The following UBE2W variants were observed in gnomAD, a reference collection of about 807,000 sequenced individuals.
The protein encoded by UBE2W is ubiquitin conjugating enzyme E2 W.
A neutral mutation model predicts 27.2 loss-of-function variants in UBE2W; 18 were observed. The observed-to-expected ratio is 0.66, with a 90% CI of 0.46 to 0.98. The LOEUF is 0.98. UBE2W is among the 50% of genes least tolerant of loss of function. UBE2W has a pLI of 0.00. For missense variants in UBE2W, 90 were observed against 180.2 expected, an observed-to-expected ratio of 0.50 and a Z score of 2.87; for synonymous variants, 53 against 57.2, an observed-to-expected ratio of 0.93 and a Z score of 0.33.
At chr8:73,786,145 CAATT>C (rs1327321859), downstream of UBE2W, 10 of 888,722 alleles carry the variant, frequency 1.1e-5, no homozygotes, top group East Asian at 4.8e-4. Context: ...TAGTTTAAAA[CAATT>C]AATTTGTGAC....
At position 73,847,973 on chromosome 8, in the gene UBE2W, G is replaced by A. The variant is rs545469081; in HGVS notation, c.16-17501C>T. ...TCCCAGCACTTTGGGAGGCTGAGGC[G>A]GGTGGATCACCTGAGGTCGGGAGTT... On this transcript the variant is annotated intron_variant, in intron 1 of 5. Coordinates refer to ENST00000602593, the MANE Select transcript of UBE2W (RefSeq NM_018299.6). Among the ~76,000 whole-genome samples, 14 of 151,460 alleles carry A rather than the reference G, an allele frequency of 9.2e-5. No homozygotes were observed. In the South Asian group the frequency reaches 2.7e-3, roughly 29 times the overall value.
intron 1 of UBE2W, among the ~76,000 whole-genome samples, chr8:73,833,451 G>A (rs1263632098): frequency 6.6e-6 from 1 of 151,814 alleles, no homozygotes; most frequent in Non-Finnish European, 1.5e-5. Flanking sequence ...AATATTTCAA[G>A]GTTATTGTTA....
intron 3 of UBE2W, among the ~76,000 whole-genome samples, chr8:73,812,570 T>C (rs1445215261): frequency 6.6e-6 from 1 of 152,226 alleles, no homozygotes; most frequent in Admixed American, 6.5e-5. Flanking sequence ...GTGTTGTAGA[T>C]GTACAGAATG....
chr8:73,784,842 G>A (rs780644231), downstream of UBE2W, among the ~76,000 whole-genome samples: 2 of 152,060 alleles, frequency 1.3e-5, no homozygotes, highest in Non-Finnish European at 2.9e-5. Context: ...TTGTGATACC[G>A]CCCACACAGT....
At chr8:73,798,087 AG>A (rs1424485198) in intron 5 of UBE2W, among the ~76,000 whole-genome samples, 4 of 152,176 alleles carry the variant, frequency 2.6e-5, no homozygotes. Context: ...CAGGAATTTG[AG>A]ACCAATCTGG....
chr8:73,782,575 A>T (rs1361009629), downstream of UBE2W, among the ~76,000 whole-genome samples: 2 of 152,108 alleles, frequency 1.3e-5, no homozygotes, highest in African/African-American at 4.8e-5. Context: ...CATCAACTTC[A>T]TTACATGTAT....
chr8:73,850,992 T>C (rs1811054433), intron 1 of UBE2W, among the ~76,000 whole-genome samples: 1 of 151,970 alleles, frequency 6.6e-6, no homozygotes. Context: ...CCCAAGTAGC[T>C]GGAAACACAG....
intron 1 of UBE2W, among the ~76,000 whole-genome samples, chr8:73,856,926 C>T (rs1811326276): frequency 1.3e-5 from 2 of 152,094 alleles, no homozygotes; most frequent in Admixed American, 6.6e-5. Context: ...AGACTGGTCT[C>T]AAACTCCTGG....
Position 73,787,202 on chromosome 8 carries a change from T to C in UBE2W, c.*6900A>G, listed in dbSNP as rs1244978139. 2 of 985,326 alleles carry C rather than the reference T, an allele frequency of 2.0e-6. No individual in the cohort carries two copies. The highest frequency in any genetic ancestry group is 1.2e-6 in the Non-Finnish European group (1 of 829,934). 61.0% of individuals were successfully genotyped at this position (985,326 alleles called of 1,614,324 possible). A position where few individuals can be genotyped will look rare whatever the true frequency, so the allele number is the denominator to read the frequency against. ...TGAAAGGGGCTCCCAACAGGACAGA[T>C]AACCACAGTGGCTTTGAGCTTTGTT... On this transcript the variant is annotated 3_prime_UTR_variant, in exon 6 of 6. Transcript: ENST00000602593.
intron 1 of UBE2W, among the ~76,000 whole-genome samples, chr8:73,843,478 A>T (rs977941344): frequency 4.6e-5 from 7 of 152,218 alleles, no homozygotes; most frequent in African/African-American, 1.4e-4. Flanking sequence ...ACAAAAAAAT[A>T]AAAAATTTGC....
intron 5 of UBE2W, among the ~76,000 whole-genome samples, chr8:73,804,201 C>G (rs949248667): frequency 6.6e-6 from 1 of 151,380 alleles, no homozygotes; most frequent in Non-Finnish European, 1.5e-5. Context: ...GAAGGCTTCA[C>G]ACTGGATAGA....
chr8:73,842,563 C>T (rs1351257287), intron 1 of UBE2W, among the ~76,000 whole-genome samples: 3 of 117,044 alleles, frequency 2.6e-5, no homozygotes, highest in East Asian at 2.3e-4. Flanking sequence ...AAAAAAATGA[C>T]GTGGACGTGA....
intron 1 of UBE2W, among the ~76,000 whole-genome samples, chr8:73,852,856 G>A (rs2130953445): frequency 6.6e-6 from 1 of 152,246 alleles, no homozygotes; most frequent in South Asian, 2.1e-4. Flanking sequence ...TGTAAACTAT[G>A]TATTAGTATA....
At position 73,805,596 on chromosome 8, in the gene UBE2W, T is replaced by C. The variant is rs1023868068; in HGVS notation, c.442+55A>G. 32 of 1,083,648 alleles carry C rather than the reference T, an allele frequency of 3.0e-5. No homozygotes were observed. The African/African-American group carries it at 4.3e-4, about 15-fold the overall frequency. 67.1% of individuals were successfully genotyped at this position (1,083,648 alleles called of 1,614,324 possible). A position where few individuals can be genotyped will look rare whatever the true frequency, so the allele number is the denominator to read the frequency against. ...TTTTTCCCAAGTCTTATAGCAAATATATATAATCTTCATATCAAAATGCTA... is the reference window on the plus strand; with the variant it reads ...TTTTTCCCAAGTCTTATAGCAAATACATATAATCTTCATATCAAAATGCTA... On this transcript the variant is annotated intron_variant, in intron 5 of 5. Coordinates refer to ENST00000602593, the MANE Select transcript of UBE2W (RefSeq NM_018299.6).
chr8:73,785,409 C>A (rs1807919803), downstream of UBE2W, among the ~76,000 whole-genome samples: 1 of 152,122 alleles, frequency 6.6e-6, no homozygotes, highest in African/African-American at 2.4e-5. Flanking sequence ...TCCCAAAGTG[C>A]TGGGATTACA....
At chr8:73,782,253 G>GTT (rs544672484), downstream of UBE2W, among the ~76,000 whole-genome samples, 1 of 148,346 alleles carries the variant, frequency 6.7e-6, no homozygotes, top group Non-Finnish European at 1.5e-5. Context: ...GGCCAATTGT[G>GTT]TTTTTTTTTT....
At chr8:73,836,051 TTTGTTGTTTTA>T (rs1191747759) in intron 1 of UBE2W, among the ~76,000 whole-genome samples, 1 of 152,098 alleles carries the variant, frequency 6.6e-6, no homozygotes, top group East Asian at 1.9e-4. Context: ...TGAAATAACA[TTTGTTGTTTTA>T]AATCGCTAAG....
intron 5 of UBE2W, among the ~76,000 whole-genome samples, chr8:73,800,472 A>C (rs1808591558): frequency 6.6e-6 from 1 of 152,194 alleles, no homozygotes; most frequent in South Asian, 2.1e-4. Flanking sequence ...TTATGTACCC[A>C]GGACTGGGGA....
chr8:73,809,848 G>A (rs1380258234), intron 4 of UBE2W, among the ~76,000 whole-genome samples: 1 of 152,050 alleles, frequency 6.6e-6, no homozygotes, highest in Non-Finnish European at 1.5e-5. Context: ...TAAAGTGCTG[G>A]GATTACAGGT....
Sources: gnomAD v4.1 joint callset for allele counts (sites outside exome capture counted in the v4.1 genomes callset) on GRCh38, gnomAD v4.1.1 for gene constraint, MANE v1.5 for transcripts, NCBI Gene and HGNC (gene_info 2026-07-23, HGNC 2026-07-21) for gene names.